Variants in RALGAPB observed in about 807,000 individuals in gnomAD.
RALGAPB encodes Ral GTPase activating protein non-catalytic subunit beta, also known as ral GTPase-activating protein subunit beta.
RALGAPB carries 25 observed loss-of-function variants against 161.1 expected under a neutral mutation model. The observed-to-expected ratio is 0.16, with a 90% CI of 0.11 to 0.22. The LOEUF (loss-of-function observed/expected upper bound fraction) is 0.22, where lower values mean the gene tolerates loss of function less well. RALGAPB is among the 10% of genes least tolerant of loss of function. The probability of loss-of-function intolerance (pLI) is 1.00; values close to 1 mark genes in which losing one functional copy is unlikely to be tolerated. For synonymous variants in RALGAPB, 629 were observed against 626.1 expected, an observed-to-expected ratio of 1.00 and a Z score of -0.07; for missense variants, 1,391 against 1,815.2, an observed-to-expected ratio of 0.77 and a Z score of 4.25.
chr20:38,482,079 C>T (rs1600821207), intron 1 of RALGAPB, among the ~76,000 whole-genome samples: 1 of 151,550 alleles, frequency 6.6e-6, no homozygotes, highest in Non-Finnish European at 1.5e-5. Context: ...AGGAGCCTGG[C>T]CAATAACATA....
At position 38,574,150 on chromosome 20, in the gene RALGAPB, A is replaced by G. The variant is rs751705841; in HGVS notation, c.4143A>G (p.Arg1381=). The part of the protein sequence containing the change: ...ETTANSSTSL[R]STTLEKEVPV... ...GAGATAACAATTTTCTTTTCTTAAG[A>G]TCTACAACTCTTGAAAAAGAAGTTC... The change falls in exon 29 of 30, where the codon AGA becomes AGG. Residue 1381 remains arginine (R), a splice_region_variant and synonymous_variant. Coordinates refer to ENST00000262879, the MANE Select transcript of RALGAPB (RefSeq NM_020336.4). 11 of 1,605,366 alleles carry G rather than the reference A, an allele frequency of 6.9e-6. No homozygotes were observed. In the Admixed American group the frequency reaches 1.7e-4, roughly 25 times the overall value.
intron 10 of RALGAPB, among the ~76,000 whole-genome samples, chr20:38,522,908 TTC>T (rs2086332935): frequency 6.6e-6 from 1 of 152,174 alleles, no homozygotes; most frequent in Admixed American, 6.5e-5. Flanking sequence ...TCCTCTCTCT[TTC>T]TCTGTCTTCC....
chr20:38,509,845 T>C (rs2085880646), intron 6 of RALGAPB, among the ~76,000 whole-genome samples: 2 of 152,220 alleles, frequency 1.3e-5, no homozygotes, highest in Non-Finnish European at 2.9e-5. Context: ...AATTTTTCTA[T>C]TTTGTGTATC....
chr20:38,541,238 G>T, intron 18 of RALGAPB, 46 bp downstream of exon 18: 1 of 1,565,722 alleles, frequency 6.4e-7, no homozygotes, highest in Non-Finnish European at 8.7e-7. Context: ...ATTAGATGGG[G>T]TTAGCAGTGA....
intron 5 of RALGAPB, among the ~76,000 whole-genome samples, chr20:38,503,643 A>G (rs2085662588): frequency 6.6e-6 from 1 of 152,234 alleles, no homozygotes; most frequent in African/African-American, 2.4e-5. Context: ...ACAGCAAAGT[A>G]TTTAGAATAT....
intron 10 of RALGAPB, among the ~76,000 whole-genome samples, chr20:38,522,971 T>A (rs1408533048): frequency 6.6e-6 from 1 of 152,174 alleles, no homozygotes; most frequent in Non-Finnish European, 1.5e-5. Context: ...TCATTTTCTC[T>A]TATTGTAGTG....
rs1446350503 is a variant in RALGAPB at position 38,578,746 on chromosome 20, AGAAGGTCCAGAGGTTT to A, written c.*3781_*3796del. On this transcript the variant is annotated 3_prime_UTR_variant, in exon 30 of 30. Transcript: ENST00000262879. ...GTGTTTCATCTTCGTCGGTTAGGGA[AGAAGGTCCAGAGGTTT>A]GTTTGTATTTATGCCGATCCTTTGT... 6.5e-6 allele frequency: 1 copy of A among 152,774 alleles called. No individual in the cohort carries two copies. Among genetic ancestry groups the A allele is most frequent in the East Asian group, 1.9e-4 (1 of 5,186 alleles). 9.5% of individuals were successfully genotyped at this position (152,774 alleles called of 1,614,324 possible). A position where few individuals can be genotyped will look rare whatever the true frequency, so the allele number is the denominator to read the frequency against.
intron 24 of RALGAPB, among the ~76,000 whole-genome samples, chr20:38,563,247 T>C (rs1379233551): frequency 6.6e-6 from 1 of 152,242 alleles, no homozygotes; most frequent in African/African-American, 2.4e-5. Flanking sequence ...AAGTTCCTTT[T>C]TTATAATATG....
At chr20:38,494,890 G>A (rs546563436) in intron 3 of RALGAPB, among the ~76,000 whole-genome samples, 4 of 152,304 alleles carry the variant, frequency 2.6e-5, no homozygotes, top group Admixed American at 6.5e-5. Context: ...TGGCATTTGA[G>A]TTAATTAGGC....
rs1382132884 is a variant in RALGAPB, at chr20:38,521,605, A to G, written c.1526A>G (p.Tyr509Cys). ...MFDASEFPDN[Y>C]EAGRAEACGT... ...GATGCAAGTGAATTTCCTGATAACT[A>G]TGAAGCAGGAAGAGCTGAGGCTTGT... Residue 509 changes from tyrosine (Y) to cysteine (C), a missense_variant, in exon 10 of 30, where the codon TAT (tyrosine) becomes TGT (cysteine). Physicochemically the swap from Tyr to Cys is radical, Grantham distance 194 (BLOSUM62 -2). This residue lies in a region of RALGAPB where 946 missense variants were observed against 1,257.2 expected (regional missense o/e 0.75). Coordinates refer to ENST00000262879, the MANE Select transcript of RALGAPB (RefSeq NM_020336.4). The G allele has an allele frequency of 3.1e-6, 5 of 1,614,124 alleles. No individual in the cohort carries two copies. Among genetic ancestry groups the G allele is most frequent in the African/African-American group, 1.3e-5 (1 of 74,936 alleles).
At chr20:38,524,740 T>A in intron 10 of RALGAPB, 38 bp from the exon 11 acceptor site, 1 of 1,480,602 alleles carries the variant, frequency 6.8e-7, no homozygotes, top group African/African-American at 1.4e-5. Flanking sequence ...AAACTTTTGA[T>A]CAGCAGTTTG....
chr20:38,482,409 C>T (rs183641517), intron 1 of RALGAPB, among the ~76,000 whole-genome samples: 159 of 149,628 alleles, frequency 1.1e-3, no homozygotes, highest in Admixed American at 5.3e-3. Context: ...AATCTTTAGT[C>T]ACAGCTGTAT....
intron 1 of RALGAPB, among the ~76,000 whole-genome samples, chr20:38,477,981 G>A (rs951645652): frequency 2.6e-5 from 4 of 152,136 alleles, no homozygotes; most frequent in Non-Finnish European, 2.9e-5. Flanking sequence ...AAAAATTAGC[G>A]GCGCATGGTG....
chr20:38,520,949 T>C (rs2086272086), intron 9 of RALGAPB, among the ~76,000 whole-genome samples: 1 of 152,176 alleles, frequency 6.6e-6, no homozygotes, highest in South Asian at 2.1e-4. Context: ...TGAGCGATTC[T>C]TTGGTGTGTG....
rs2088397091 is a variant in RALGAPB, at chr20:38,575,311, T to A, written c.*344T>A. 1.0e-5 allele frequency: 2 copies of A among 191,746 alleles called. No homozygotes were observed. Among genetic ancestry groups the A allele is most frequent in the African/African-American group, 4.7e-5 (2 of 42,238 alleles). 11.9% of individuals were successfully genotyped at this position (191,746 alleles called of 1,614,324 possible). A position where few individuals can be genotyped will look rare whatever the true frequency, so the allele number is the denominator to read the frequency against. ...ACGTGCATTGGTAGTATCAACAAAT[T>A]TGCAATATAGAAGTTGAAGATAGTT... On this transcript the variant is annotated 3_prime_UTR_variant, in exon 30 of 30. Transcript: ENST00000262879.
Position 38,482,745 on chromosome 20 carries a change from T to C in RALGAPB, c.-30-5658T>C, listed in dbSNP as rs144207347. ...CGTCTGGTGTATGTGTTTATCTGGT[T>C]GTAATTATGATATATATGTTTTTCT... On this transcript the variant is annotated intron_variant, in intron 1 of 29. Transcript: ENST00000262879. Among the ~76,000 whole-genome samples, 1,132 of 152,248 alleles carry C rather than the reference T, an allele frequency of 7.4e-3. 16 individuals carry two copies. The highest frequency in any genetic ancestry group is 0.026 in the African/African-American group (1,081 of 41,556).
chr20:38,517,340 G>A (rs1274826461), intron 7 of RALGAPB, among the ~76,000 whole-genome samples, 166 bp from the exon 8 acceptor site: 3 of 152,124 alleles, frequency 2.0e-5, no homozygotes, highest in Non-Finnish European at 2.9e-5. Flanking sequence ...TAAAGTTTGT[G>A]TTCTGTTACT....
At chr20:38,494,617 G>A (rs1174541116) in intron 3 of RALGAPB, among the ~76,000 whole-genome samples, 1 of 152,174 alleles carries the variant, frequency 6.6e-6, no homozygotes, top group Non-Finnish European at 1.5e-5. Flanking sequence ...GTGACAGAGC[G>A]AGACTCTGTC....
At position 38,551,107 on chromosome 20, in the gene RALGAPB, G is replaced by A; in HGVS notation, c.3046G>A (p.Asp1016Asn). The A allele has an allele frequency of 1.2e-6, 2 of 1,613,952 alleles. No individual in the cohort carries two copies. The highest frequency in any genetic ancestry group is 8.5e-7 in the Non-Finnish European group (1 of 1,179,876). Residue 1016 changes from aspartate to asparagine, a missense_variant, in exon 21 of 30, where the codon GAC becomes AAC. By Grantham distance (23) the Asp-to-Asn change is conservative (BLOSUM62 1). Coordinates refer to ENST00000262879, the MANE Select transcript of RALGAPB (RefSeq NM_020336.4). ...TGAACCTCGCCCAGTTCCTAAAAAT[G>A]ACGTTGGATTTAAATATTCTGTGAA... ...VPEPRPVPKNDVGFKYSVKHR... is the reference protein window; with the variant it reads ...VPEPRPVPKNNVGFKYSVKHR...
Sources: gnomAD v4.1 joint callset for allele counts (sites outside exome capture counted in the v4.1 genomes callset) on GRCh38, gnomAD v4.1.1 for gene constraint, gnomAD v4.1.1 regional missense constraint, MANE v1.5 for transcripts, NCBI Gene and HGNC (gene_info 2026-07-23, HGNC 2026-07-21) for gene names.